CRTC3: variants seen among roughly 807,000 people sequenced by gnomAD.
The protein encoded by CRTC3 is CREB regulated transcription coactivator 3.
Under a neutral mutation model 74.5 loss-of-function variants are expected in CRTC3, and 26 were observed. The observed-to-expected ratio is 0.35, with a 90% confidence interval of 0.26 to 0.48. The LOEUF (loss-of-function observed/expected upper bound fraction) is 0.48. Among genes scored for constraint, CRTC3 ranks in the 20% least tolerant of loss-of-function variants. The pLI is 0.99. For synonymous variants in CRTC3, 377 were observed against 325.8 expected, an observed-to-expected ratio of 1.16 and a Z score of -1.69; for missense variants, 760 against 787.3, an observed-to-expected ratio of 0.97 and a Z score of 0.41.
chr15:90,551,010 A>T (rs1265199507), intron 2 of CRTC3, among the ~76,000 whole-genome samples: 1 of 152,118 alleles, frequency 6.6e-6, no homozygotes, highest in Non-Finnish European at 1.5e-5. Flanking sequence ...AGATGAACAA[A>T]GCACCGATCT....
chr15:90,540,815 C>G (rs1414716124), intron 2 of CRTC3, among the ~76,000 whole-genome samples: 1 of 151,990 alleles, frequency 6.6e-6, no homozygotes, highest in Non-Finnish European at 1.5e-5. Context: ...TCCAATATAT[C>G]CAAAATATGA....
chr15:90,581,748 T>A (rs1458176288), intron 2 of CRTC3, among the ~76,000 whole-genome samples: 1 of 152,186 alleles, frequency 6.6e-6, no homozygotes, highest in Non-Finnish European at 1.5e-5. Flanking sequence ...CTTTGTTTTT[T>A]CTCTTTTAAT....
At chr15:90,622,043 CGTTGAGGAA>C (rs1968669179) in intron 9 of CRTC3, among the ~76,000 whole-genome samples, 1 of 152,086 alleles carries the variant, frequency 6.6e-6, no homozygotes, top group Non-Finnish European at 1.5e-5. Flanking sequence ...CACCAGCGGG[CGTTGAGGAA>C]ACCTTTCTGA....
At chr15:90,608,711 G>A (rs2151084578) in intron 6 of CRTC3, among the ~76,000 whole-genome samples, 1 of 152,304 alleles carries the variant, frequency 6.6e-6, no homozygotes, top group East Asian at 1.9e-4. Flanking sequence ...CCCTAGCACA[G>A]TGCCCGGCAC....
chr15:90,626,415 A>C (rs1195145365), intron 10 of CRTC3, among the ~76,000 whole-genome samples: 1 of 152,180 alleles, frequency 6.6e-6, no homozygotes, highest in Non-Finnish European at 1.5e-5. Flanking sequence ...GAAAATTTAC[A>C]GTGGATATGA....
intron 2 of CRTC3, among the ~76,000 whole-genome samples, chr15:90,541,735 G>T (rs1422179143): frequency 1.3e-5 from 2 of 151,008 alleles, no homozygotes; most frequent in African/African-American, 4.9e-5. Flanking sequence ...CCCTCCGGTT[G>T]CATTGGGGAA....
chr15:90,551,904 C>CTTACA (rs1202878114), intron 2 of CRTC3, among the ~76,000 whole-genome samples: 2 of 148,816 alleles, frequency 1.3e-5, no homozygotes, highest in South Asian at 4.3e-4. Context: ...AAGGCGCGCC[C>CTTACA]TTACATTACA....
intron 2 of CRTC3, among the ~76,000 whole-genome samples, chr15:90,575,908 A>G (rs560901874): frequency 1.3e-5 from 2 of 152,360 alleles, no homozygotes; most frequent in African/African-American, 2.4e-5. Context: ...CTTTTTAAAA[A>G]ATGCTTTTAT....
intron 2 of CRTC3, among the ~76,000 whole-genome samples, chr15:90,562,729 C>G (rs1008334811): frequency 6.6e-6 from 1 of 152,156 alleles, no homozygotes; most frequent in African/African-American, 2.4e-5. Flanking sequence ...TGAGTCTTAA[C>G]TCGCCTGAAC....
rs745624244 is a variant in CRTC3 at position 90,644,697 on chromosome 15, T to A, written c.*2557T>A. Reference sequence around the variant, plus strand: ...TACAACCCACTCTGCCTAGAAGGTGTGGAGGACTCACCACGGGCAGGGTCG... The same window carrying A: ...TACAACCCACTCTGCCTAGAAGGTGAGGAGGACTCACCACGGGCAGGGTCG... On this transcript the variant is annotated 3_prime_UTR_variant, in exon 15 of 15. Transcript: ENST00000268184. 1.7e-5 allele frequency: 4 copies of A among 232,584 alleles called. No individual in the cohort carries two copies. The highest frequency in any genetic ancestry group is 3.4e-5 in the Non-Finnish European group (4 of 117,676). The allele number at this position is 232,584 out of a possible 1,614,324, so 14.4% of individuals were successfully genotyped here. A position where few individuals can be genotyped will look rare whatever the true frequency, so the allele number is the denominator to read the frequency against.
Position 90,629,673 on chromosome 15 carries a change from C to T in CRTC3, c.1266+141C>T, listed in dbSNP as rs1040478949. 5 of 713,124 alleles carry T rather than the reference C, an allele frequency of 7.0e-6. No homozygotes were observed. In the Admixed American group the frequency reaches 1.4e-4, roughly 20 times the overall value. 44.2% of individuals were successfully genotyped at this position (713,124 alleles called of 1,614,324 possible). ...AGGTCTCAAGTGCAGTCTGTTCGCT[C>T]TTATATGTGAAATCAGAGCAGAAGT... On this transcript the variant is annotated intron_variant, in intron 11 of 14. Coordinates refer to ENST00000268184, the MANE Select transcript of CRTC3 (RefSeq NM_022769.5).
At chr15:90,617,718 C>T (rs1027454558) in intron 7 of CRTC3, among the ~76,000 whole-genome samples, 165 bp from the exon 8 acceptor site, 10 of 151,962 alleles carry the variant, frequency 6.6e-5, no homozygotes, top group Admixed American at 5.9e-4. Context: ...TTTGTAGAGA[C>T]GGGGGTCTCA....
At position 90,625,771 on chromosome 15, in the gene CRTC3, T is replaced by C. The variant is rs1438883514; in HGVS notation, c.750-5T>C. On this transcript the variant is annotated splice_polypyrimidine_tract_variant and splice_region_variant and intron_variant, in intron 9 of 14. Coordinates refer to ENST00000268184, the MANE Select transcript of CRTC3 (RefSeq NM_022769.5). ...GAAAGTCATTCTTAATCTTTCTTTT[T>C]TCAGTGCTTTTCCACATAATGGTCA... 2 of 1,612,200 alleles carry C rather than the reference T, an allele frequency of 1.2e-6. No homozygotes were observed. The highest frequency in any genetic ancestry group is 4.5e-5 in the East Asian group (2 of 44,876).
intron 2 of CRTC3, among the ~76,000 whole-genome samples, chr15:90,557,245 C>T (rs1396806384): frequency 6.6e-6 from 1 of 152,068 alleles, no homozygotes; most frequent in Non-Finnish European, 1.5e-5. Context: ...TAACCTTGTA[C>T]TTCTAGGTAG....
Position 90,642,047 on chromosome 15 carries a change from C to G in CRTC3, c.1767C>G (p.Pro589=). 1 of 1,613,976 alleles carries G rather than the reference C, an allele frequency of 6.2e-7. No individual in the cohort carries two copies. Among genetic ancestry groups the G allele is most frequent in the East Asian group, 2.2e-5 (1 of 44,876 alleles). Residue 589 remains proline (P), a synonymous_variant, in exon 15 of 15, where the codon CCC becomes CCG. Transcript: ENST00000268184. ...FPLEEELQIE[P]LSLDGLNMLS... ...TGGAAGAGGAGCTGCAGATTGAACC[C>G]CTGAGCCTGGACGGACTCAACATGT... is the stretch of plus-strand genomic sequence containing the variant.
chr15:90,642,597 TCTGAC>T lies in CRTC3; in HGVS notation c.*464_*468del. The T allele has an allele frequency of 3.5e-6, 1 of 287,070 alleles. No individual in the cohort carries two copies. The highest frequency in any genetic ancestry group is 7.4e-5 in the South Asian group (1 of 13,462). The allele number at this position is 287,070 out of a possible 1,614,324, so 17.8% of individuals were successfully genotyped here. ...CCGGAGAGGGCACCTCGATGCCTGCTCTGACCTGACCCAGAGGGCGAGGCCCTCCA... is the reference window on the plus strand; with the variant it reads ...CCGGAGAGGGCACCTCGATGCCTGCTCTGACCCAGAGGGCGAGGCCCTCCA... On this transcript the variant is annotated 3_prime_UTR_variant, in exon 15 of 15. Coordinates refer to ENST00000268184, the MANE Select transcript of CRTC3 (RefSeq NM_022769.5).
rs947213691 is a variant in CRTC3, at chr15:90,645,307, T to G, written c.*3167T>G. 4.7e-6 allele frequency: 1 copy of G among 211,620 alleles called. No individual in the cohort carries two copies. Among genetic ancestry groups the G allele is most frequent in the Non-Finnish European group, 9.6e-6 (1 of 104,348 alleles). 13.1% of individuals were successfully genotyped at this position (211,620 alleles called of 1,614,324 possible). On this transcript the variant is annotated 3_prime_UTR_variant, in exon 15 of 15. Transcript: ENST00000268184. ...GTTTTATAATGCATCATTTTACATC[T>G]TTTGTAATTAAAAGCATCACAATGA...
chr15:90,614,682 T>C (rs963812491), intron 7 of CRTC3, 194 bp downstream of exon 7: 11 of 490,572 alleles, frequency 2.2e-5, no homozygotes, highest in Admixed American at 3.9e-5. Flanking sequence ...AAAGGAAATA[T>C]GTGGTTGCAT....
chr15:90,578,091 A>G (rs1967448945), intron 2 of CRTC3, among the ~76,000 whole-genome samples: 1 of 151,832 alleles, frequency 6.6e-6, no homozygotes, highest in African/African-American at 2.4e-5. Context: ...AATTTTTTGT[A>G]TTTTTAGTAG....
Sources: gnomAD v4.1 joint callset for allele counts (sites outside exome capture counted in the v4.1 genomes callset) on GRCh38, gnomAD v4.1.1 for gene constraint, MANE v1.5 for transcripts, NCBI Gene and HGNC (gene_info 2026-07-23, HGNC 2026-07-21) for gene names.